The following SH3TC1 variants were observed in gnomAD, a reference collection of about 807,000 sequenced individuals.
SH3TC1 encodes the protein SH3 domain and tetratricopeptide repeats 1.
SH3TC1 carries 135 observed loss-of-function variants against 117.3 expected under a neutral mutation model. The observed-to-expected ratio is 1.15, with a 90% CI of 1.00 to 1.33. The LOEUF (loss-of-function observed/expected upper bound fraction) is 1.33, where lower values mean the gene tolerates loss of function less well. SH3TC1 is among the 40% of genes most tolerant of loss of function. The probability of loss-of-function intolerance (pLI) is 0.00; values close to 1 mark genes in which losing one functional copy is unlikely to be tolerated. For synonymous variants in SH3TC1, 898 were observed against 816.9 expected (o/e 1.10, Z -1.69); for missense variants, 2,092 against 1,794.3 (o/e 1.17, Z -3.00).
At chr4:8,216,386 AG>A in intron 6 of SH3TC1, 129 bp downstream of exon 6, 1 of 1,375,980 alleles carries the variant, frequency 7.3e-7, no homozygotes, top group Non-Finnish European at 9.8e-7. Flanking sequence ...CTGGAGGCTG[AG>A]GGGTGCTTCA....
In SH3TC1 at chr4:8,205,168, G is replaced by A. The variant is rs1159202500; in HGVS notation, c.-27G>A. Reference sequence around the variant, plus strand: ...TGACCACACCCCCTCTGTCCACAGGGCCAGGCATGTGAGGTCTCTGCGGGT... The same window carrying A: ...TGACCACACCCCCTCTGTCCACAGGACCAGGCATGTGAGGTCTCTGCGGGT... On this transcript the variant is annotated splice_region_variant and 5_prime_UTR_variant, in exon 2 of 18. Coordinates refer to ENST00000245105, the MANE Select transcript of SH3TC1 (RefSeq NM_018986.5). The surrounding 1 kb of genome is among the most constrained non-coding windows in gnomAD (Gnocchi z 5.4). The A allele has an allele frequency of 6.7e-7, 1 of 1,484,774 alleles. No homozygotes were observed. The highest frequency in any genetic ancestry group is 9.0e-7 in the Non-Finnish European group (1 of 1,117,092). 92.0% of individuals were successfully genotyped at this position (1,484,774 alleles called of 1,614,324 possible).
At position 8,205,683 on chromosome 4, in the gene SH3TC1, T is replaced by C. The variant is rs777020680; in HGVS notation, c.172+317T>C. On this transcript the variant is annotated intron_variant, in intron 2 of 17. Transcript: ENST00000245105. This position sits in a 1 kb window ranked among gnomAD's most constrained non-coding sequence, Gnocchi z 5.4. Reference sequence around the variant, plus strand: ...AGAGACCGTTCCAGAAACAGTCCGATGGGTTTGGCCTTGGAACCCCTGAGA... The same window carrying C: ...AGAGACCGTTCCAGAAACAGTCCGACGGGTTTGGCCTTGGAACCCCTGAGA... 1.5e-5 allele frequency: 11 copies of C among 743,560 alleles called. No individual in the cohort carries two copies. Among genetic ancestry groups the C allele is most frequent in the Middle Eastern group, 2.3e-4 (1 of 4,434 alleles). 46.1% of individuals were successfully genotyped at this position (743,560 alleles called of 1,614,324 possible).
At chr4:8,235,934 G>A (rs977678354) in intron 15 of SH3TC1, 4 of 367,038 alleles carry the variant, frequency 1.1e-5, no homozygotes, top group Admixed American at 4.4e-5. Flanking sequence ...AAGCGGGGAC[G>A]GCTTCCCCCT....
At position 8,186,669 on chromosome 4, in the gene SH3TC1, T is replaced by C. The variant is rs1365553571; in HGVS notation, c.-57+4459T>C. Among the ~76,000 whole-genome samples, 1 of 152,098 alleles carries C rather than the reference T, an allele frequency of 6.6e-6. No homozygotes were observed. The highest frequency in any genetic ancestry group is 1.9e-4 in the East Asian group (1 of 5,194). Reference sequence around the variant, plus strand: ...TTTTAAAAAGCCCCTTGAGGCTGGGTGCGGTGGCTCACGCCTGTAATCCCA... The same window carrying C: ...TTTTAAAAAGCCCCTTGAGGCTGGGCGCGGTGGCTCACGCCTGTAATCCCA... On this transcript the variant is annotated intron_variant, in intron 1 of 16. Transcript: ENST00000508641. This position sits in a 1 kb window ranked among gnomAD's most constrained non-coding sequence, Gnocchi z 5.2.
At chr4:8,199,083 C>A (rs1309277182), upstream of SH3TC1, among the ~76,000 whole-genome samples, 1 of 152,216 alleles carries the variant, frequency 6.6e-6, no homozygotes, top group Admixed American at 6.5e-5. Context: ...ACTACAGAGC[C>A]TGGGGGCTGG....
intron 4 of SH3TC1, among the ~76,000 whole-genome samples, chr4:8,213,667 G>C (rs1284921366): frequency 1.3e-5 from 2 of 152,126 alleles, no homozygotes; most frequent in Admixed American, 6.5e-5. Context: ...GGCGAACGAC[G>C]AAGAAGGATC....
chr4:8,205,242 G>A lies in SH3TC1; in HGVS notation c.48G>A (p.Gly16=), dbSNP rs1324163305. 3 of 1,550,026 alleles carry A rather than the reference G, an allele frequency of 1.9e-6. No individual in the cohort carries two copies. The highest frequency in any genetic ancestry group is 2.4e-5 in the South Asian group (2 of 83,970). Residue 16 remains glycine, a synonymous_variant, in exon 2 of 18, where the codon GGG becomes GGA. Coordinates refer to ENST00000245105, the MANE Select transcript of SH3TC1 (RefSeq NM_018986.5). The surrounding 1 kb of genome is among the most constrained non-coding windows in gnomAD (Gnocchi z 5.4). ...AVTTEEPTPM[G]RGPVGPSGGG... is the part of the protein sequence containing the mutation. ...CCACTGAGGAGCCGACCCCCATGGG[G>A]AGGGGTCCTGTGGGACCCTCAGGAG...
At chr4:8,211,583 C>T (rs1712285) in intron 3 of SH3TC1, among the ~76,000 whole-genome samples, 122,836 of 146,608 alleles carry the variant, frequency 0.84, 52,597 homozygotes, top group East Asian at 0.99. Flanking sequence ...CCATGCTCTG[C>T]AGAGGCCAAA....
chr4:8,238,764 G>C (rs1391442042), intron 17 of SH3TC1, among the ~76,000 whole-genome samples: 2 of 152,218 alleles, frequency 1.3e-5, no homozygotes, highest in African/African-American at 4.8e-5. Flanking sequence ...CCTTCCAGAG[G>C]GGACTTTATC....
upstream of SH3TC1, among the ~76,000 whole-genome samples, chr4:8,198,154 G>A (rs950208040): frequency 6.6e-6 from 1 of 152,152 alleles, no homozygotes; most frequent in Non-Finnish European, 1.5e-5. Context: ...GTAGTGCCTT[G>A]GTTGAAAAGC....
intron 16 of SH3TC1, 161 bp downstream of exon 16, chr4:8,236,589 A>G (rs1721841339): frequency 1.1e-6 from 1 of 949,282 alleles, no homozygotes; most frequent in Admixed American, 3.4e-5. Context: ...CGTGGGGCAC[A>G]GCCCGAGGTC....
chr4:8,198,942 C>CGT (rs147305036), upstream of SH3TC1, among the ~76,000 whole-genome samples: 54 of 151,816 alleles, frequency 3.6e-4, no homozygotes, highest in African/African-American at 1.1e-3. Flanking sequence ...TGCAGGCATG[C>CGT]GTGTGTGTGT....
Position 8,228,571 on chromosome 4 carries a change from G to A in SH3TC1, c.2877G>A (p.Gln959=). ...LLQLGHLCTR[Q]GPAQQGKGYY... The stretch of plus-strand genomic sequence containing the variant: ...AGCTGGGCCATCTCTGCACCCGCCA[G>A]GGCCCGGCCCAGCAGGGCAAGGGCT... The change falls in exon 12 of 18, where the codon CAG becomes CAA. Residue 959 remains glutamine (Q), a synonymous_variant. Transcript: ENST00000245105. 9.4e-6 allele frequency: 15 copies of A among 1,598,658 alleles called. No homozygotes were observed. Among genetic ancestry groups the A allele is most frequent in the Non-Finnish European group, 1.3e-5 (15 of 1,173,596 alleles).
chr4:8,225,459 G>T lies in SH3TC1; in HGVS notation c.1285+243G>T, dbSNP rs894239417. 6.6e-6 allele frequency among the ~76,000 whole-genome samples: 1 copy of T among 152,134 alleles called. No individual in the cohort carries two copies. Among genetic ancestry groups the T allele is most frequent in the African/African-American group, 2.4e-5 (1 of 41,422 alleles). On this transcript the variant is annotated intron_variant, in intron 11 of 17. Coordinates refer to ENST00000245105, the MANE Select transcript of SH3TC1 (RefSeq NM_018986.5). This position sits in a 1 kb window ranked among gnomAD's most constrained non-coding sequence, Gnocchi z 5.5. ...ACATGCTGGCCCCCGCCTGGTCCCC[G>T]CCCAAGATGGAGCATCCTTTCCACT... is the stretch of plus-strand genomic sequence containing the variant.
rs1302506267 is a variant in SH3TC1 at position 8,229,897 on chromosome 4, GA to G, written c.2950+1254del. ...GACTTGGAAACGCAGGCCAGGGAAC[GA>G]GGATCATGCTTCCCTGTCTCCCCAC... On this transcript the variant is annotated intron_variant, in intron 12 of 17. Coordinates refer to ENST00000245105, the MANE Select transcript of SH3TC1 (RefSeq NM_018986.5). Among the ~76,000 whole-genome samples the G allele has an allele frequency of 3.4e-3, 517 of 152,020 alleles. 25 individuals are homozygous for G. The highest frequency in any genetic ancestry group is 0.011 in the African/African-American group (440 of 41,406).
chr4:8,191,593 C>G (rs1397305571), intron 1 of SH3TC1, among the ~76,000 whole-genome samples: 1 of 152,206 alleles, frequency 6.6e-6, no homozygotes, highest in Non-Finnish European at 1.5e-5. Flanking sequence ...CGGGGGATGA[C>G]TCATCATGCT....
rs151163920 is a variant in SH3TC1 at position 8,186,585 on chromosome 4, A to C, written c.-57+4375A>C. On this transcript the variant is annotated intron_variant, in intron 1 of 16. Coordinates refer to the SH3TC1 transcript ENST00000508641. This position sits in a 1 kb window ranked among gnomAD's most constrained non-coding sequence, Gnocchi z 5.2. ...ATGGGAGTTTATGCCAATGCCCTGC[A>C]CTGGCTTCCCAACTTATCTATCTAA... Among the ~76,000 whole-genome samples the C allele has an allele frequency of 6.6e-6, 1 of 152,214 alleles. No homozygotes were observed. The highest frequency in any genetic ancestry group is 1.5e-5 in the Non-Finnish European group (1 of 68,036).
Position 8,226,987 on chromosome 4 carries a change from T to A in SH3TC1, c.1293T>A (p.Pro431=), listed in dbSNP as rs1309986000. The change falls in exon 12 of 18, where the codon CCT becomes CCA. Residue 431 remains proline, a synonymous_variant. Transcript: ENST00000245105. ...ETEQPQEKEI[P]PPCLSLEPQE... is the part of the protein sequence containing the mutation. ...TGTTTTTGTGACTTGCAGAAATACC[T>A]CCACCTTGCCTGAGCCTGGAGCCAC... The A allele has an allele frequency of 1.3e-6, 2 of 1,537,424 alleles. No homozygotes were observed.
At chr4:8,211,908 G>A (rs1414457314) in intron 3 of SH3TC1, among the ~76,000 whole-genome samples, 1 of 152,144 alleles carries the variant, frequency 6.6e-6, no homozygotes, top group Non-Finnish European at 1.5e-5. Flanking sequence ...GGGCCGATGG[G>A]TCGGACCATG....
Sources: allele counts gnomAD v4.1 joint callset (sites outside exome capture counted in the v4.1 genomes callset), GRCh38; gene constraint gnomAD v4.1.1; non-coding constraint Gnocchi (gnomAD v3.1); transcripts MANE v1.5; gene names NCBI Gene and HGNC (gene_info 2026-07-23, HGNC 2026-07-21).